The following LEKR1 variants were observed in gnomAD, a reference collection of about 807,000 sequenced individuals.
LEKR1 encodes leucine, glutamate and lysine rich 1.
Under a neutral mutation model 72.4 loss-of-function variants are expected in LEKR1, and 59 were observed. The observed-to-expected ratio is 0.82, with a 90% CI of 0.66 to 1.01. The LOEUF (loss-of-function observed/expected upper bound fraction) is 1.01, where lower values mean the gene tolerates loss of function less well. Among genes scored for constraint, LEKR1 ranks in the 50% least tolerant of loss-of-function variants. The pLI is 0.00. For synonymous variants in LEKR1, 257 were observed against 263.2 expected (o/e 0.98, Z 0.23); for missense variants, 728 against 759.2 (o/e 0.96, Z 0.48).
chr3:157,031,518 G>A (rs1461835240), intron 12 of LEKR1, among the ~76,000 whole-genome samples: 1 of 152,074 alleles, frequency 6.6e-6, no homozygotes, highest in Non-Finnish European at 1.5e-5. Flanking sequence ...TGCTTCTCTG[G>A]CTAAGCATGC....
intron 4 of LEKR1, 132 bp from the exon 5 acceptor site, chr3:156,927,296 AC>A (rs767638042): frequency 1.1e-5 from 3 of 262,004 alleles, no homozygotes; most frequent in Non-Finnish European, 1.4e-5. Context: ...TAATATGAAT[AC>A]CACCTTCTTT....
At chr3:156,831,415 G>T (rs1170917503) in intron 2 of LEKR1, among the ~76,000 whole-genome samples, 1 of 152,100 alleles carries the variant, frequency 6.6e-6, no homozygotes, top group Admixed American at 6.5e-5. Context: ...TACAAAGATG[G>T]CTTAGTTTAA....
intron 12 of LEKR1, among the ~76,000 whole-genome samples, chr3:157,033,702 G>A (rs1734777209): frequency 6.6e-6 from 1 of 152,152 alleles, no homozygotes; most frequent in African/African-American, 2.4e-5. Context: ...TCATTTATGA[G>A]GTAGCTACAT....
chr3:156,876,599 A>G (rs1483603115), intron 3 of LEKR1, among the ~76,000 whole-genome samples: 1 of 152,106 alleles, frequency 6.6e-6, no homozygotes, highest in Non-Finnish European at 1.5e-5. Context: ...AAAGGGATAG[A>G]GTTCTTTATT....
At chr3:157,030,228 G>T (rs1734504156) in intron 12 of LEKR1, among the ~76,000 whole-genome samples, 4 of 152,132 alleles carry the variant, frequency 2.6e-5, no homozygotes, top group Admixed American at 2.6e-4. Flanking sequence ...TCACCAAGGG[G>T]ATGGTGCTAA....
chr3:156,897,232 G>T (rs1721290598), intron 3 of LEKR1, among the ~76,000 whole-genome samples: 1 of 152,190 alleles, frequency 6.6e-6, no homozygotes, highest in Non-Finnish European at 1.5e-5. Flanking sequence ...CTTACCCCAA[G>T]ATGATGGTAT....
chr3:156,884,472 T>C (rs1323386522), intron 3 of LEKR1, among the ~76,000 whole-genome samples: 1 of 152,176 alleles, frequency 6.6e-6, no homozygotes, highest in African/African-American at 2.4e-5. Context: ...AGTAATGGCT[T>C]AATAGTGGTA....
At chr3:156,858,687 A>T (rs571196265) in intron 3 of LEKR1, among the ~76,000 whole-genome samples, 71 of 149,456 alleles carry the variant, frequency 4.8e-4, no homozygotes, top group African/African-American at 1.5e-3. Context: ...AAAAAAAAAA[A>T]AAAAATCTGT....
chr3:156,979,306 C>T (rs1576938145), intron 7 of LEKR1, 31 bp downstream of exon 7: 4 of 784,820 alleles, frequency 5.1e-6, no homozygotes, highest in Non-Finnish European at 6.7e-6. Flanking sequence ...CAACTTATAA[C>T]AGTGCTCTGT....
chr3:156,899,648 ATATATACACG>A (rs1721762187), intron 3 of LEKR1, among the ~76,000 whole-genome samples: 1 of 140,990 alleles, frequency 7.1e-6, no homozygotes, highest in Non-Finnish European at 1.5e-5. Flanking sequence ...ATATATACAC[ATATATACACG>A]CATATATACA....
intron 5 of LEKR1, among the ~76,000 whole-genome samples, chr3:156,931,790 C>A (rs1725251443): frequency 6.6e-6 from 1 of 151,968 alleles, no homozygotes; most frequent in Non-Finnish European, 1.5e-5. Flanking sequence ...TAGAAACAGG[C>A]AAAACTAATC....
At chr3:156,988,917 C>T (rs565811735) in intron 7 of LEKR1, among the ~76,000 whole-genome samples, 199 of 152,144 alleles carry the variant, frequency 1.3e-3, no homozygotes, top group African/African-American at 4.3e-3. Context: ...TTGCAACCTC[C>T]GCCTCCCGGG....
chr3:156,854,478 T>G (rs771027966), intron 3 of LEKR1, among the ~76,000 whole-genome samples: 1 of 151,932 alleles, frequency 6.6e-6, no homozygotes, highest in Admixed American at 6.6e-5. Flanking sequence ...GTGTATGTCT[T>G]GGTAGATCCT....
At chr3:156,878,814 G>C (rs900948662) in intron 3 of LEKR1, among the ~76,000 whole-genome samples, 11 of 152,146 alleles carry the variant, frequency 7.2e-5, no homozygotes, top group African/African-American at 2.7e-4. Flanking sequence ...CATGGGGCCA[G>C]TTTCCCCCAT....
At position 157,042,334 on chromosome 3, in the gene LEKR1, G is replaced by A. The variant is rs150410235; in HGVS notation, c.1669-3006G>A. On this transcript the variant is annotated intron_variant, in intron 12 of 12. Transcript: ENST00000356539. ...TGAGTTGCAGAGCAGCGGGCCCCAGGCAGTCAGCAGCTCTTCCCCCACCCC... is the reference window on the plus strand; with the variant it reads ...TGAGTTGCAGAGCAGCGGGCCCCAGACAGTCAGCAGCTCTTCCCCCACCCC... Among the ~76,000 whole-genome samples the A allele has an allele frequency of 4.3e-3, 648 of 152,284 alleles. 2 individuals are homozygous for A. The highest frequency in any genetic ancestry group is 0.015 in the African/African-American group (623 of 41,568).
chr3:156,936,557 C>G (rs1272432522), intron 5 of LEKR1, among the ~76,000 whole-genome samples: 1 of 151,670 alleles, frequency 6.6e-6, no homozygotes, highest in Non-Finnish European at 1.5e-5. Context: ...CTATCGTATT[C>G]GTTTCTCATT....
intron 5 of LEKR1, among the ~76,000 whole-genome samples, chr3:156,930,485 G>T (rs542266604): frequency 2.0e-5 from 3 of 151,926 alleles, no homozygotes. Flanking sequence ...GACTATATTT[G>T]TATTTTATGT....
intron 5 of LEKR1, among the ~76,000 whole-genome samples, chr3:156,937,231 A>T (rs1240587180): frequency 1.3e-5 from 2 of 152,218 alleles, no homozygotes; most frequent in Non-Finnish European, 1.5e-5. Flanking sequence ...GTTAAAAAGG[A>T]TAAAAAGCTA....
At chr3:156,874,191 C>T (rs1197332759) in intron 3 of LEKR1, among the ~76,000 whole-genome samples, 2 of 151,984 alleles carry the variant, frequency 1.3e-5, no homozygotes, top group Non-Finnish European at 1.5e-5. Flanking sequence ...TCTTCAGTTC[C>T]AGAATTTCTG....
Sources: gnomAD v4.1 joint callset for allele counts (sites outside exome capture counted in the v4.1 genomes callset) on GRCh38, gnomAD v4.1.1 for gene constraint, MANE v1.5 for transcripts, NCBI Gene and HGNC (gene_info 2026-07-23, HGNC 2026-07-21) for gene names.